The following DNAH7 variants were observed in gnomAD, a reference collection of about 807,000 sequenced individuals.
DNAH7 encodes axonemal beta dynein heavy chain 7.
In DNAH7, 397 loss-of-function variants were observed where a neutral mutation model predicts 444.6. That is an observed-to-expected ratio of 0.89 (90% CI 0.82 to 0.97). The LOEUF (loss-of-function observed/expected upper bound fraction) is 0.97, where lower values mean the gene tolerates loss of function less well. Ranked by LOEUF, DNAH7 falls within the 50% of genes least tolerant of loss-of-function variation. The probability of loss-of-function intolerance (pLI) is 0.00; values close to 1 mark genes in which losing one functional copy is unlikely to be tolerated. For missense variants in DNAH7, 4,902 were observed against 4,800.8 expected (o/e 1.02, Z -0.62); for synonymous variants, 1,636 against 1,624.4 (o/e 1.01, Z -0.17).
chr2:195,866,091 T>C (rs1322920343), intron 40 of DNAH7, among the ~76,000 whole-genome samples: 1 of 152,228 alleles, frequency 6.6e-6, no homozygotes, highest in East Asian at 1.9e-4. Context: ...GTTGGATCCT[T>C]ACTCTGCTCT....
chr2:195,877,834 G>A (rs1426576507), intron 36 of DNAH7, among the ~76,000 whole-genome samples: 1 of 152,152 alleles, frequency 6.6e-6, no homozygotes, highest in Non-Finnish European at 1.5e-5. Context: ...TTCACAGAAT[G>A]AGCACATTCT....
intron 19 of DNAH7, among the ~76,000 whole-genome samples, chr2:195,946,334 C>T (rs1689803001): frequency 6.6e-6 from 1 of 152,056 alleles, no homozygotes; most frequent in South Asian, 2.1e-4. Context: ...AAGAGACATA[C>T]ACAACAAAAA....
chr2:195,864,038 G>T, intron 41 of DNAH7, 111 bp downstream of exon 41: 1 of 1,000,578 alleles, frequency 1.0e-6, no homozygotes, highest in Non-Finnish European at 1.5e-6. Context: ...AGAAGATTCT[G>T]CTAAACAATA....
At chr2:195,883,621 A>C (rs917090522) in intron 35 of DNAH7, among the ~76,000 whole-genome samples, 5 of 152,200 alleles carry the variant, frequency 3.3e-5, no homozygotes, top group African/African-American at 4.8e-5. Flanking sequence ...AATGAAATGG[A>C]AATAATTGCA....
chr2:196,046,412 G>C (rs759434717), intron 5 of DNAH7, among the ~76,000 whole-genome samples: 5 of 152,166 alleles, frequency 3.3e-5, no homozygotes, highest in Admixed American at 6.5e-5. Flanking sequence ...TATCTTTCTT[G>C]GGCAGGGCTC....
At chr2:195,942,835 G>C (rs1470663895) in intron 19 of DNAH7, among the ~76,000 whole-genome samples, 4 of 152,080 alleles carry the variant, frequency 2.6e-5, no homozygotes, top group African/African-American at 9.7e-5. Flanking sequence ...AGTGGACAGA[G>C]AACATATACC....
At chr2:195,942,260 C>T (rs1225734233) in intron 19 of DNAH7, among the ~76,000 whole-genome samples, 2 of 151,832 alleles carry the variant, frequency 1.3e-5, no homozygotes, top group Admixed American at 6.6e-5. Context: ...GCATTAACAC[C>T]GCAGATATTT....
At chr2:195,900,966 T>C (rs1379338744) in intron 27 of DNAH7, 4 of 152,296 alleles carry the variant, frequency 2.6e-5, no homozygotes, top group Non-Finnish European at 4.4e-5. Context: ...AAGGCAAAAA[T>C]ATATAAATAA....
At chr2:195,806,912 G>A in intron 53 of DNAH7, 80 bp from the exon 54 acceptor site, 2 of 1,035,236 alleles carry the variant, frequency 1.9e-6, no homozygotes, top group South Asian at 1.6e-5. Context: ...CCAACTTTTA[G>A]AATATATAAA....
In DNAH7 at chr2:195,864,719, G is replaced by C. The variant is rs1199218986; in HGVS notation, c.6936C>G (p.Asn2312Lys). 3 of 1,614,034 alleles carry C rather than the reference G, an allele frequency of 1.9e-6. No individual in the cohort carries two copies. In the East Asian group the frequency reaches 6.7e-5, roughly 36 times the overall value. The change falls in exon 41 of 65, where the codon AAC (asparagine) becomes AAG (lysine). Residue 2312 changes from asparagine to lysine, a missense_variant. Physicochemically the swap from Asn to Lys is moderately conservative, Grantham distance 94. Transcript: ENST00000312428. ...EYNNISKKPM[N>K]LVLFRFAIEH... ...CTATGGCAAATCGAAACAAGACAAG[G>C]TTCATGGGTTTTTTGCTTATATTGT...
At position 195,891,180 on chromosome 2, in the gene DNAH7, A is replaced by C. The variant is rs1282568490; in HGVS notation, c.5046+475T>G. The stretch of plus-strand genomic sequence containing the variant: ...TCCACAAGGCAGTCATTCTCTTTCT[A>C]ATATGCTAAAGGAAAAGTGTGGGAA... On this transcript the variant is annotated intron_variant, in intron 31 of 64. Coordinates refer to ENST00000312428, the MANE Select transcript of DNAH7 (RefSeq NM_018897.3). 2.0e-5 allele frequency among the ~76,000 whole-genome samples: 3 copies of C among 152,164 alleles called. No homozygotes were observed. The East Asian group carries it at 5.8e-4, about 29-fold the overall frequency.
chr2:196,022,606 T>C (rs1422352546), intron 8 of DNAH7, among the ~76,000 whole-genome samples: 1 of 152,228 alleles, frequency 6.6e-6, no homozygotes, highest in African/African-American at 2.4e-5. Flanking sequence ...ATCTTCAGGC[T>C]CCACTTCTAA....
intron 38 of DNAH7, 121 bp from the exon 39 acceptor site, chr2:195,873,815 G>C (rs1559170966): frequency 1.0e-5 from 7 of 669,296 alleles, no homozygotes; most frequent in Non-Finnish European, 1.5e-5. Context: ...ATGAAGTTAA[G>C]AGTAATCAAT....
chr2:195,823,618 T>C (rs1401059169), intron 49 of DNAH7, among the ~76,000 whole-genome samples: 1 of 152,074 alleles, frequency 6.6e-6, no homozygotes, highest in Non-Finnish European at 1.5e-5. Context: ...CCTCTGTAAA[T>C]GAAAGCAATC....
Position 195,926,454 on chromosome 2 carries a change from ACTT to A in DNAH7, c.3581_3583del (p.Glu1194del). ...TATCCCCATTGGAATAGCTGTTTGT[ACTT>A]CTTTTGTCCAAAAGATTTGGGATAC... On this transcript the variant is annotated inframe_deletion, in exon 22 of 65. Transcript: ENST00000312428. 4 of 1,598,250 alleles carry A rather than the reference ACTT, an allele frequency of 2.5e-6. No individual in the cohort carries two copies. The highest frequency in any genetic ancestry group is 2.7e-5 in the African/African-American group (2 of 74,006).
intron 36 of DNAH7, 70 bp downstream of exon 36, chr2:195,881,725 G>A (rs968145116): frequency 1.5e-5 from 21 of 1,442,868 alleles, no homozygotes; most frequent in Middle Eastern, 1.8e-4. Context: ...AAAATTATTT[G>A]TCTGCTATTT....
At chr2:195,813,465 A>G (rs1697069986) in intron 51 of DNAH7, among the ~76,000 whole-genome samples, 1 of 152,224 alleles carries the variant, frequency 6.6e-6, no homozygotes, top group Non-Finnish European at 1.5e-5. Context: ...GAGATAGCCC[A>G]CTTGTCTCCA....
intron 1 of DNAH7, among the ~76,000 whole-genome samples, chr2:196,064,943 T>C (rs1425213468): frequency 1.3e-5 from 2 of 152,232 alleles, no homozygotes; most frequent in Non-Finnish European, 2.9e-5. Flanking sequence ...ATGTATCTCA[T>C]ATATACATAC....
At chr2:195,981,493 C>T (rs1454919164) in intron 15 of DNAH7, among the ~76,000 whole-genome samples, 1 of 151,706 alleles carries the variant, frequency 6.6e-6, no homozygotes, top group African/African-American at 2.4e-5. Context: ...CGCAAAAACC[C>T]CAGAATAGCC....
Sources: allele counts gnomAD v4.1 joint callset (sites outside exome capture counted in the v4.1 genomes callset), GRCh38; gene constraint gnomAD v4.1.1; transcripts MANE v1.5; gene names NCBI Gene and HGNC (gene_info 2026-07-23, HGNC 2026-07-21).